Variants in EXT1 observed in about 807,000 individuals in gnomAD.
EXT1 encodes exostosin glycosyltransferase 1, also known as exostosin-1.
In EXT1, 20 loss-of-function variants were observed where a neutral mutation model predicts 82.5. The observed-to-expected ratio is 0.24, with a 90% CI of 0.17 to 0.35. EXT1 has a LOEUF of 0.35. EXT1 is among the 10% of genes least tolerant of loss of function. EXT1 has a pLI of 1.00. For missense variants in EXT1, 757 were observed against 936.5 expected, an observed-to-expected ratio of 0.81 and a Z score of 2.50; for synonymous variants, 348 against 350.8, an observed-to-expected ratio of 0.99 and a Z score of 0.09.
At chr8:117,911,314 T>C (rs941094159) in intron 1 of EXT1, among the ~76,000 whole-genome samples, 2 of 152,092 alleles carry the variant, frequency 1.3e-5, no homozygotes, top group Non-Finnish European at 2.9e-5. Context: ...TGCTGTAGGG[T>C]GGCAGGAAGC....
intron 1 of EXT1, among the ~76,000 whole-genome samples, chr8:117,849,206 T>A (rs935667087): frequency 2.0e-5 from 3 of 152,230 alleles, no homozygotes; most frequent in Non-Finnish European, 4.4e-5. Flanking sequence ...CTCCTGGCAC[T>A]CTCTTTCTGT....
chr8:117,996,987 G>A (rs904204163), intron 1 of EXT1, among the ~76,000 whole-genome samples: 2 of 151,990 alleles, frequency 1.3e-5, no homozygotes, highest in South Asian at 2.1e-4. Context: ...CCCAGCTCTC[G>A]CACACAATGA....
chr8:117,968,845 AGGCG>A (rs1814882421), intron 1 of EXT1, among the ~76,000 whole-genome samples: 1 of 64,558 alleles, frequency 1.5e-5, no homozygotes, highest in Non-Finnish European at 2.5e-5. Context: ...CTGGGATTAC[AGGCG>A]TGAGCCACTG....
intron 1 of EXT1, among the ~76,000 whole-genome samples, chr8:117,941,668 A>G (rs573382439): frequency 1.3e-5 from 2 of 152,350 alleles, no homozygotes; most frequent in South Asian, 4.1e-4. Flanking sequence ...CTCTGTTCAT[A>G]TACATGGCAC....
rs540013847 is a variant in EXT1 at position 117,928,399 on chromosome 8, G to A, written c.963-91198C>T. On this transcript the variant is annotated intron_variant, in intron 1 of 10. Transcript: ENST00000378204. ...TGAATGCAGGCATGTACATATGCAC[G>A]AGCAAATACAAAAGGTAATAAAACA... Among the ~76,000 whole-genome samples the A allele has an allele frequency of 6.6e-5, 10 of 152,280 alleles. No homozygotes were observed. The South Asian group carries it at 1.7e-3, about 25-fold the overall frequency.
intron 1 of EXT1, among the ~76,000 whole-genome samples, chr8:118,057,513 C>T (rs1816811576): frequency 6.6e-6 from 1 of 151,794 alleles, no homozygotes. Context: ...CATGGCACTC[C>T]AGCATGGGCA....
intron 1 of EXT1, among the ~76,000 whole-genome samples, chr8:117,943,506 T>G (rs1814327644): frequency 6.6e-6 from 1 of 152,206 alleles, no homozygotes; most frequent in South Asian, 2.1e-4. Context: ...TTCAGTAGAA[T>G]GGAAACTGCC....
At chr8:117,972,018 C>A (rs954131050) in intron 1 of EXT1, among the ~76,000 whole-genome samples, 1 of 151,886 alleles carries the variant, frequency 6.6e-6, no homozygotes. Flanking sequence ...AGCGTGGTGG[C>A]GCATGCCTCT....
intron 1 of EXT1, among the ~76,000 whole-genome samples, chr8:117,993,485 C>G (rs17505051): frequency 0.03 from 4,614 of 152,272 alleles, 224 homozygotes; most frequent in African/African-American, 0.11. Flanking sequence ...TCAAATTCCA[C>G]CAAAGTCCAG....
At chr8:118,002,969 G>T (rs1045718743) in intron 1 of EXT1, among the ~76,000 whole-genome samples, 1 of 152,094 alleles carries the variant, frequency 6.6e-6, no homozygotes, top group Non-Finnish European at 1.5e-5. Flanking sequence ...CAAAAATATG[G>T]AACCAGCACA....
At chr8:117,943,877 G>T (rs955522442) in intron 1 of EXT1, among the ~76,000 whole-genome samples, 1 of 152,156 alleles carries the variant, frequency 6.6e-6, no homozygotes, top group South Asian at 2.1e-4. Flanking sequence ...TTTGGTTGCA[G>T]GGTCACCTAT....
chr8:117,920,252 AT>A (rs1380169655), intron 1 of EXT1, among the ~76,000 whole-genome samples: 6 of 150,822 alleles, frequency 4.0e-5, no homozygotes, highest in African/African-American at 1.5e-4. Flanking sequence ...TTACAGGTAT[AT>A]GGCACCACAC....
intron 1 of EXT1, among the ~76,000 whole-genome samples, chr8:118,074,639 G>A (rs544421572): frequency 6.6e-6 from 1 of 152,256 alleles, no homozygotes; most frequent in South Asian, 2.1e-4. Context: ...GGGGCTTTGG[G>A]ATCCGGCCAA....
chr8:118,009,783 G>A (rs1372009302), intron 1 of EXT1, among the ~76,000 whole-genome samples: 1 of 152,150 alleles, frequency 6.6e-6, no homozygotes, highest in African/African-American at 2.4e-5. Context: ...ATCTCAGGTG[G>A]AACAGTTTCA....
intron 1 of EXT1, among the ~76,000 whole-genome samples, chr8:117,843,342 T>C (rs1376472201): frequency 6.6e-6 from 1 of 152,124 alleles, no homozygotes; most frequent in Non-Finnish European, 1.5e-5. Flanking sequence ...GTGCTAGGAT[T>C]GGACATGAGG....
At chr8:118,003,317 C>T (rs905978740) in intron 1 of EXT1, among the ~76,000 whole-genome samples, 1 of 151,886 alleles carries the variant, frequency 6.6e-6, no homozygotes, top group Admixed American at 6.6e-5. Flanking sequence ...GCTCGGATGA[C>T]GGGTGCACTG....
At chr8:118,108,602 T>C (rs941893589) in intron 1 of EXT1, among the ~76,000 whole-genome samples, 4 of 152,240 alleles carry the variant, frequency 2.6e-5, no homozygotes, top group African/African-American at 4.8e-5. Flanking sequence ...TAATTGATCT[T>C]AGTCTCCGGC....
intron 1 of EXT1, among the ~76,000 whole-genome samples, chr8:117,907,645 T>C (rs1396371571): frequency 6.6e-6 from 1 of 152,220 alleles, no homozygotes; most frequent in Non-Finnish European, 1.5e-5. Flanking sequence ...CTGTTTATTA[T>C]AGCTATCAGT....
intron 1 of EXT1, among the ~76,000 whole-genome samples, chr8:117,955,995 A>C (rs138684885): frequency 2.6e-4 from 39 of 152,376 alleles, no homozygotes; most frequent in Non-Finnish European, 5.0e-4. Context: ...ATACTCAAAA[A>C]GATGGAACAT....
Sources: allele counts gnomAD v4.1 joint callset (sites outside exome capture counted in the v4.1 genomes callset), GRCh38; gene constraint gnomAD v4.1.1; transcripts MANE v1.5; gene names NCBI Gene and HGNC (gene_info 2026-07-23, HGNC 2026-07-21).